The following NCOR2 variants were observed in gnomAD, a reference collection of about 807,000 sequenced individuals.
NCOR2 encodes the protein CTG repeat protein 26.
Under a neutral mutation model 262.9 loss-of-function variants are expected in NCOR2, and 81 were observed. That is an observed-to-expected ratio of 0.31 (90% CI 0.26 to 0.37). The LOEUF (loss-of-function observed/expected upper bound fraction) is 0.37, where lower values mean the gene tolerates loss of function less well. Among genes scored for constraint, NCOR2 ranks in the 10% least tolerant of loss-of-function variants. NCOR2 has a pLI of 1.00. For synonymous variants in NCOR2, 1,659 were observed against 1,559.3 expected (o/e 1.06, Z -1.51); for missense variants, 3,385 against 3,621.4 (o/e 0.93, Z 1.68).
chr12:124,495,074 G>C lies in NCOR2; in HGVS notation c.105+73C>G. On this transcript the variant is annotated intron_variant, in intron 1 of 46. Coordinates refer to ENST00000405201, the Ensembl canonical transcript of NCOR2. This position sits in a 1 kb window ranked among gnomAD's most constrained non-coding sequence, Gnocchi z 4.4. ...GAGCCTGGCTCCCAGGAGAAAGGAA[G>C]GGGTGAAGACTCAGTGGAATGGAAG... The C allele has an allele frequency of 1.9e-6, 3 of 1,546,638 alleles. No homozygotes were observed. The highest frequency in any genetic ancestry group is 2.6e-6 in the Non-Finnish European group (3 of 1,140,634).
chr12:124,385,744 C>T lies in NCOR2; in HGVS notation c.2019+1G>A. On this transcript the variant is annotated splice_donor_variant, in intron 17 of 46. Coordinates refer to ENST00000405201, the Ensembl canonical transcript of NCOR2. LOFTEE classifies it high-confidence loss of function. Reference sequence around the variant, plus strand: ...GCGGTGCAGCGTGACTGGGGGCTCACCATCTTCAGCTTGTGCTGCTGCAAG... The same window carrying T: ...GCGGTGCAGCGTGACTGGGGGCTCATCATCTTCAGCTTGTGCTGCTGCAAG... The T allele has an allele frequency of 6.2e-7, 1 of 1,613,492 alleles. No individual in the cohort carries two copies. The highest frequency in any genetic ancestry group is 8.5e-7 in the Non-Finnish European group (1 of 1,179,828).
chr12:124,451,429 T>C (rs2045526553), intron 6 of NCOR2, among the ~76,000 whole-genome samples: 1 of 152,058 alleles, frequency 6.6e-6, no homozygotes, highest in Non-Finnish European at 1.5e-5. Context: ...GAAAGAAAAA[T>C]TGAGTCCTTA....
chr12:124,450,403 G>A (rs1271160327), intron 6 of NCOR2, among the ~76,000 whole-genome samples: 1 of 152,228 alleles, frequency 6.6e-6, no homozygotes, highest in Non-Finnish European at 1.5e-5. Flanking sequence ...CCCCCAGAGA[G>A]ACAACAGCCA....
intron 4 of NCOR2, among the ~76,000 whole-genome samples, chr12:124,471,131 G>C (rs2046808524): frequency 2.6e-5 from 4 of 152,216 alleles, no homozygotes; most frequent in African/African-American, 9.7e-5. Context: ...CTCACTGCTG[G>C]ACTATCCTCA....
intron 1 of NCOR2, chr12:124,562,309 G>T (rs1023002088): frequency 3.9e-5 from 6 of 152,194 alleles, no homozygotes; most frequent in Non-Finnish European, 8.8e-5. Flanking sequence ...CATCACCGCA[G>T]GAGTTCCCAG....
At chr12:124,400,753 A>G in intron 14 of NCOR2, 80 bp from the exon 17 acceptor site, 1 of 1,542,878 alleles carries the variant, frequency 6.5e-7, no homozygotes, top group Non-Finnish European at 8.9e-7. Flanking sequence ...CTGTTTCTTT[A>G]GCTGGATTTG....
intron 1 of NCOR2, among the ~76,000 whole-genome samples, chr12:124,553,788 C>T (rs2051792446): frequency 6.6e-6 from 1 of 152,230 alleles, no homozygotes. Flanking sequence ...CTGAAACCTA[C>T]GCTTCCTCAC....
At chr12:124,428,069 GTGTGTGTGTGTGTGTGTGTA>G (rs2043675183) in intron 10 of NCOR2, among the ~76,000 whole-genome samples, 1 of 150,070 alleles carries the variant, frequency 6.7e-6, no homozygotes, top group African/African-American at 2.4e-5. Context: ...GTGTGTGTGT[GTGTGTGTGTGTGTGTGTGTA>G]CATGCAACAA....
At chr12:124,401,115 G>A (rs2041964035) in intron 14 of NCOR2, among the ~76,000 whole-genome samples, 2 of 151,978 alleles carry the variant, frequency 1.3e-5, no homozygotes, top group African/African-American at 2.4e-5. Flanking sequence ...GGAAGCTAAG[G>A]TAGGGGGATC....
intron 13 of NCOR2, among the ~76,000 whole-genome samples, chr12:124,415,666 C>T (rs996642860): frequency 5.9e-5 from 9 of 152,260 alleles, no homozygotes; most frequent in African/African-American, 1.4e-4. Context: ...ATCATTTCCC[C>T]ATCCTGGGAG....
At position 124,520,299 on chromosome 12, in the gene NCOR2, GC is replaced by G. The variant is rs1266888324; in HGVS notation, c.-118+15265del. Among the ~76,000 whole-genome samples the G allele has an allele frequency of 7.2e-5, 11 of 152,284 alleles. No homozygotes were observed. In the East Asian group the frequency reaches 2.1e-3, roughly 29 times the overall value. On this transcript the variant is annotated intron_variant, in intron 1 of 46. Coordinates refer to the NCOR2 transcript ENST00000404621. ...CCCAAAGATCCAGCACCATCTTCCC[GC>G]CCAGACCGTCGCCAAGACCAGGCGG...
rs946192421 is a variant in NCOR2 at position 124,460,583 on chromosome 12, A to T, written c.706-3421T>A. Among the ~76,000 whole-genome samples the T allele has an allele frequency of 2.0e-5, 3 of 152,172 alleles. No individual in the cohort carries two copies. The East Asian group carries it at 5.8e-4, about 29-fold the overall frequency. ...ACACGGAGTCCTCTCTGCCCCCTCC[A>T]TAGAGGTGGATGAGAGGGCAGGCCC... On this transcript the variant is annotated intron_variant, in intron 5 of 46. Coordinates refer to ENST00000405201, the Ensembl canonical transcript of NCOR2.
At chr12:124,372,755 C>T in intron 19 of NCOR2, 145 bp from the exon 22 acceptor site, 1 of 694,452 alleles carries the variant, frequency 1.4e-6, no homozygotes, top group African/African-American at 1.9e-5. Flanking sequence ...GGGCTGCTGC[C>T]TAGAGCCCCA....
chr12:124,331,087 G>C (rs1299151210), intron 43 of NCOR2, among the ~76,000 whole-genome samples, 189 bp from the exon 46 acceptor site: 10 of 144,454 alleles, frequency 6.9e-5, no homozygotes, highest in Admixed American at 6.4e-4. Context: ...TTTTGAGATA[G>C]AGTCTCGCTC....
chr12:124,368,273 G>C (rs76330997), intron 20 of NCOR2, among the ~76,000 whole-genome samples: 3 of 152,116 alleles, frequency 2.0e-5, no homozygotes, highest in African/African-American at 7.2e-5. Flanking sequence ...AGGCCGGTTG[G>C]GGGGCAGGGC....
At position 124,483,742 on chromosome 12, in the gene NCOR2, G is replaced by A. The variant is rs751379995; in HGVS notation, c.265C>T (p.His89Tyr). 1.2e-6 allele frequency: 2 copies of A among 1,609,956 alleles called. No individual in the cohort carries two copies. Among genetic ancestry groups the A allele is most frequent in the South Asian group, 2.2e-5 (2 of 90,250 alleles). The change falls in exon 3 of 47, where the codon CAC becomes TAC. Residue 89 changes from histidine to tyrosine, a missense_variant. Coordinates refer to ENST00000405201, the Ensembl canonical transcript of NCOR2. This position sits in a 1 kb window ranked among gnomAD's most constrained non-coding sequence, Gnocchi z 6.3. ...TTCCCCAGCTCGGGCAGGTATGAGT[G>A]GGACTCTGGCCGCAGGTGGAGCTCC...
intron 1 of NCOR2, among the ~76,000 whole-genome samples, chr12:124,554,678 CG>C (rs1303050925): frequency 6.6e-6 from 1 of 152,272 alleles, no homozygotes; most frequent in Non-Finnish European, 1.5e-5. Flanking sequence ...ACACCCGATG[CG>C]CAGCACGCTT....
At chr12:124,345,360 C>T (rs1229122922) in intron 31 of NCOR2, among the ~76,000 whole-genome samples, 1 of 152,100 alleles carries the variant, frequency 6.6e-6, no homozygotes, top group East Asian at 1.9e-4. Flanking sequence ...AAGTCAGCAC[C>T]CAGACCCAAT....
Position 124,522,658 on chromosome 12 carries a change from G to A in NCOR2, c.-118+12907C>T, listed in dbSNP as rs115298384. Among the ~76,000 whole-genome samples the A allele has an allele frequency of 7.2e-3, 1,095 of 152,314 alleles. 16 individuals are homozygous for A. Among genetic ancestry groups the A allele is most frequent in the African/African-American group, 0.025 (1,031 of 41,568 alleles). On this transcript the variant is annotated intron_variant, in intron 1 of 46. Transcript: ENST00000404621. ...TTTCCAAGTGTACCTATGTTTCATG[G>A]GCCATGACTCAACCCACTACCAAAG...
Sources: allele counts gnomAD v4.1 joint callset (sites outside exome capture counted in the v4.1 genomes callset), GRCh38; gene constraint gnomAD v4.1.1; non-coding constraint Gnocchi (gnomAD v3.1); transcripts MANE v1.5; gene names NCBI Gene and HGNC (gene_info 2026-07-23, HGNC 2026-07-21).